The following EVL variants were observed in gnomAD, a reference collection of about 807,000 sequenced individuals.
The protein encoded by EVL is ena/VASP-like protein.
A neutral mutation model predicts 59.6 loss-of-function variants in EVL; 21 were observed. The observed-to-expected ratio is 0.35, with a 90% CI of 0.25 to 0.51. EVL has a LOEUF of 0.51. Ranked by LOEUF, EVL falls within the 20% of genes least tolerant of loss-of-function variation. The pLI is 0.97. For synonymous variants in EVL, 198 were observed against 203.5 expected (o/e 0.97, Z 0.23); for missense variants, 462 against 546.6 (o/e 0.85, Z 1.54).
intron 1 of EVL, among the ~76,000 whole-genome samples, chr14:100,081,536 C>A (rs1190974): frequency 2.1e-5 from 3 of 143,922 alleles, no homozygotes; most frequent in African/African-American, 5.2e-5. Flanking sequence ...AAAAAAGGAA[C>A]CTGTAGCTAT....
intron 12 of EVL, 67 bp from the exon 13 acceptor site, chr14:100,141,669 C>A: frequency 6.5e-7 from 1 of 1,537,294 alleles, no homozygotes; most frequent in Non-Finnish European, 8.9e-7. Flanking sequence ...TTGGACATGG[C>A]CCAGCCCAGG....
intron 1 of EVL, among the ~76,000 whole-genome samples, chr14:100,065,871 C>T (rs976474577): frequency 2.0e-5 from 3 of 152,146 alleles, no homozygotes; most frequent in African/African-American, 4.8e-5. Context: ...TGAGTCCTGG[C>T]CCTTCTCTCT....
intron 1 of EVL, among the ~76,000 whole-genome samples, chr14:100,008,350 TCTGA>T (rs1264016945): frequency 2.0e-5 from 3 of 152,226 alleles, no homozygotes; most frequent in South Asian, 4.1e-4. Context: ...TAATTCCATC[TCTGA>T]CTGTGATTGT....
chr14:100,074,002 C>T (rs1461691824), intron 1 of EVL, among the ~76,000 whole-genome samples: 3 of 88,368 alleles, frequency 3.4e-5, no homozygotes, highest in South Asian at 3.7e-4. Context: ...GAGTCACCCC[C>T]GGGGGCGGTG....
At chr14:100,029,260 G>T (rs189456131) in intron 1 of EVL, among the ~76,000 whole-genome samples, 38 of 152,306 alleles carry the variant, frequency 2.5e-4, no homozygotes, top group Admixed American at 3.9e-4. Flanking sequence ...ACCAACTTGG[G>T]TCTCTATGTC....
rs1305314586 is a variant in EVL at position 100,143,966 on chromosome 14, TTG to T, written c.*232_*233del. ...GGAACACCAGGTCTGCTCGTCTTTT[TTG>T]TGTTTTATATTTGCTTATTTAAGGT... On this transcript the variant is annotated 3_prime_UTR_variant, in exon 14 of 14. Transcript: ENST00000392920. The T allele has an allele frequency of 1.6e-5, 9 of 546,546 alleles. No individual in the cohort carries two copies. The highest frequency in any genetic ancestry group is 3.4e-5 in the Admixed American group (1 of 29,810). The allele number at this position is 546,546 out of a possible 1,614,324, so 33.9% of individuals were successfully genotyped here.
At chr14:100,021,816 G>T (rs1370077102) in intron 1 of EVL, among the ~76,000 whole-genome samples, 1 of 152,196 alleles carries the variant, frequency 6.6e-6, no homozygotes, top group African/African-American at 2.4e-5. Flanking sequence ...TGAGGCAAAG[G>T]CAGGGTGGAG....
At chr14:100,143,386 C>G (rs1173052216) in intron 13 of EVL, among the ~76,000 whole-genome samples, 3 of 152,154 alleles carry the variant, frequency 2.0e-5, no homozygotes, top group African/African-American at 7.2e-5. Flanking sequence ...ACAGCAGCTC[C>G]TCACACCAGA....
chr14:100,113,785 A>G lies in EVL; in HGVS notation c.359-9754A>G, dbSNP rs143082859. Among the ~76,000 whole-genome samples, 1,226 of 152,230 alleles carry G rather than the reference A, an allele frequency of 8.1e-3. 15 individuals are homozygous for G. The highest frequency in any genetic ancestry group is 0.028 in the African/African-American group (1,182 of 41,538). On this transcript the variant is annotated intron_variant, in intron 3 of 13. Coordinates refer to ENST00000392920, the MANE Select transcript of EVL (RefSeq NM_016337.3). ...GAGGGAGGGTGCTAAGGGAGTTGGG[A>G]CATTCAGGGAGGAGAGAGGTTTGGT... is the stretch of plus-strand genomic sequence containing the variant.
At chr14:100,019,359 G>A (rs952938936) in intron 1 of EVL, 2 of 336,704 alleles carry the variant, frequency 5.9e-6, no homozygotes, top group Non-Finnish European at 1.1e-5. Context: ...CCCTGGGTTC[G>A]ACTTCTTTCT....
chr14:100,020,130 T>A (rs751103338), intron 1 of EVL, among the ~76,000 whole-genome samples: 5 of 152,244 alleles, frequency 3.3e-5, no homozygotes, highest in Non-Finnish European at 5.9e-5. Flanking sequence ...GTCTGCATAG[T>A]TGAGATTTGA....
intron 1 of EVL, among the ~76,000 whole-genome samples, chr14:99,988,908 A>G (rs1250453108): frequency 6.6e-6 from 1 of 152,150 alleles, no homozygotes; most frequent in Non-Finnish European, 1.5e-5. Context: ...GGGTGGGTGG[A>G]GGGTGTGGGG....
At chr14:99,989,318 C>T (rs1413948378) in intron 1 of EVL, among the ~76,000 whole-genome samples, 2 of 151,594 alleles carry the variant, frequency 1.3e-5, no homozygotes, top group Admixed American at 6.6e-5. Context: ...TCCCCAGGGC[C>T]GTGATACTTA....
At chr14:100,104,835 C>T (rs1374072778) in intron 3 of EVL, among the ~76,000 whole-genome samples, 1 of 150,798 alleles carries the variant, frequency 6.6e-6, no homozygotes, top group African/African-American at 2.4e-5. Context: ...CGCTGAGCTG[C>T]AGTCACAAGT....
chr14:100,070,350 A>G (rs920467661), intron 1 of EVL, among the ~76,000 whole-genome samples: 4 of 152,224 alleles, frequency 2.6e-5, no homozygotes, highest in Non-Finnish European at 5.9e-5. Flanking sequence ...GATCTCTGAG[A>G]GGATCAAAAT....
intron 11 of EVL, chr14:100,140,861 A>G (rs1165594586): frequency 4.0e-6 from 1 of 249,182 alleles, no homozygotes; most frequent in Non-Finnish European, 7.7e-6. Flanking sequence ...CCAGGGAGGC[A>G]ACGGGTGGGT....
At chr14:100,116,660 A>G (rs1431858389) in intron 3 of EVL, among the ~76,000 whole-genome samples, 1 of 152,116 alleles carries the variant, frequency 6.6e-6, no homozygotes, top group African/African-American at 2.4e-5. Context: ...CGCGCCCACC[A>G]TACCTCGCGG....
chr14:100,014,574 A>G (rs941918890), intron 1 of EVL, among the ~76,000 whole-genome samples: 1 of 152,230 alleles, frequency 6.6e-6, no homozygotes, highest in Non-Finnish European at 1.5e-5. Context: ...GCTATTGTCA[A>G]CAGTGCTGCA....
intron 1 of EVL, among the ~76,000 whole-genome samples, chr14:100,040,074 C>T (rs553889412): frequency 6.6e-6 from 1 of 152,228 alleles, no homozygotes; most frequent in African/African-American, 2.4e-5. Context: ...GCCACTGTGC[C>T]CAGCCCCCAT....
Sources: allele counts gnomAD v4.1 joint callset (sites outside exome capture counted in the v4.1 genomes callset), GRCh38; gene constraint gnomAD v4.1.1; transcripts MANE v1.5; gene names NCBI Gene and HGNC (gene_info 2026-07-23, HGNC 2026-07-21).